Variants in SPATA17 observed in about 807,000 individuals in gnomAD.
SPATA17 encodes the protein spermatogenesis-associated protein 17.
A neutral mutation model predicts 62.2 loss-of-function variants in SPATA17; 53 were observed. The ratio of observed to expected loss-of-function variants is 0.85; its 90% CI spans 0.68 to 1.07. The LOEUF (loss-of-function observed/expected upper bound fraction) is 1.07, where lower values mean the gene tolerates loss of function less well. Among genes scored for constraint, SPATA17 ranks in the 50% least tolerant of loss-of-function variants. SPATA17 has a pLI of 0.00. For missense variants in SPATA17, 466 were observed against 425.5 expected (o/e 1.10, Z -0.84); for synonymous variants, 146 against 146.8 (o/e 0.99, Z 0.04).
chr1:217,824,701 A>C (rs1169228903), intron 9 of SPATA17, among the ~76,000 whole-genome samples: 1 of 150,920 alleles, frequency 6.6e-6, no homozygotes, highest in South Asian at 2.1e-4. Context: ...TATATTTTAT[A>C]ATGTGTTCTT....
rs1450738590 is a variant in SPATA17 at position 217,690,471 on chromosome 1, T to A, written c.395+7110T>A. ...TTTTATTTTTATTTTATTTTATTTT[T>A]TATTTTTTTTTTTTTTAATTATTTT... On this transcript the variant is annotated intron_variant, in intron 5 of 10. Transcript: ENST00000366933. 1.3e-4 allele frequency among the ~76,000 whole-genome samples: 4 copies of A among 29,762 alleles called. No homozygotes were observed. In the East Asian group the frequency reaches 1.5e-3, roughly 11 times the overall value. 19.5% of individuals were successfully genotyped at this position (29,762 alleles called of 152,430 possible). A position where few individuals can be genotyped will look rare whatever the true frequency, so the allele number is the denominator to read the frequency against.
chr1:217,740,004 A>G (rs933110921), intron 5 of SPATA17, among the ~76,000 whole-genome samples: 1 of 151,928 alleles, frequency 6.6e-6, no homozygotes, highest in Non-Finnish European at 1.5e-5. Flanking sequence ...TCACTGTGCC[A>G]TGCCACTGTA....
intron 9 of SPATA17, among the ~76,000 whole-genome samples, chr1:217,843,432 G>A (rs1163494444): frequency 6.6e-6 from 1 of 151,844 alleles, no homozygotes; most frequent in Non-Finnish European, 1.5e-5. Context: ...CTGGACAAGA[G>A]AGCAAGAACC....
intron 8 of SPATA17, among the ~76,000 whole-genome samples, chr1:217,788,820 T>G (rs1365333465): frequency 6.6e-6 from 1 of 152,178 alleles, no homozygotes; most frequent in Non-Finnish European, 1.5e-5. Context: ...ATAATATTGT[T>G]TAAGCCACCA....
intron 9 of SPATA17, among the ~76,000 whole-genome samples, chr1:217,835,313 A>G (rs17676761): frequency 0.032 from 4,834 of 152,250 alleles, 112 homozygotes; most frequent in Middle Eastern, 0.065. Context: ...TAGTGAATCC[A>G]TGTATCATTT....
rs922314685 is a variant in SPATA17, at chr1:217,744,386, C to T, written c.519+2288C>T. The stretch of plus-strand genomic sequence containing the variant: ...GCTGAGGCAGGAGAATGGCGTGAAC[C>T]CGGGAGGCGGAGCTTGCAGTGAGCC... On this transcript the variant is annotated intron_variant, in intron 6 of 10. Coordinates refer to ENST00000366933, the MANE Select transcript of SPATA17 (RefSeq NM_138796.4). 8.3e-4 allele frequency among the ~76,000 whole-genome samples: 40 copies of T among 48,236 alleles called. 3 individuals carry two copies. Among genetic ancestry groups the T allele is most frequent in the African/African-American group, 1.9e-3 (40 of 20,570 alleles). The allele number at this position is 48,236 out of a possible 152,430, so 31.6% of individuals were successfully genotyped here. A position where few individuals can be genotyped will look rare whatever the true frequency, so the allele number is the denominator to read the frequency against.
At chr1:217,633,819 G>A (rs772763545) in intron 1 of SPATA17, among the ~76,000 whole-genome samples, 19 of 152,164 alleles carry the variant, frequency 1.2e-4, no homozygotes, top group Non-Finnish European at 2.5e-4. Context: ...TCAGAATAAC[G>A]CTGAAGCTGA....
chr1:217,717,610 A>G (rs1347979432), intron 5 of SPATA17, among the ~76,000 whole-genome samples: 1 of 152,146 alleles, frequency 6.6e-6, no homozygotes, highest in East Asian at 1.9e-4. Flanking sequence ...CTCTATCTCA[A>G]AATAATAATA....
At chr1:217,748,132 T>C (rs1672808735) in intron 6 of SPATA17, among the ~76,000 whole-genome samples, 1 of 151,638 alleles carries the variant, frequency 6.6e-6, no homozygotes, top group Non-Finnish European at 1.5e-5. Flanking sequence ...TGAAACCCCG[T>C]CTCTACAAAA....
intron 2 of SPATA17, among the ~76,000 whole-genome samples, chr1:217,650,424 C>T (rs1173750291): frequency 1.3e-5 from 2 of 151,840 alleles, no homozygotes; most frequent in African/African-American, 4.8e-5. Context: ...CTCTTTCTCT[C>T]TCTTTTTTTT....
chr1:217,854,546 A>T (rs1352907614), intron 9 of SPATA17, among the ~76,000 whole-genome samples: 1 of 152,164 alleles, frequency 6.6e-6, no homozygotes, highest in Non-Finnish European at 1.5e-5. Context: ...ACAACAAACA[A>T]GACTGATACA....
chr1:217,864,523 AC>A (rs1192475549), intron 10 of SPATA17, among the ~76,000 whole-genome samples: 64 of 152,232 alleles, frequency 4.2e-4, no homozygotes, highest in African/African-American at 1.5e-3. Context: ...ATGTGTGTAT[AC>A]ATATATACAT....
chr1:217,820,930 C>T (rs1379421873), intron 9 of SPATA17, among the ~76,000 whole-genome samples: 2 of 152,022 alleles, frequency 1.3e-5, no homozygotes, highest in Non-Finnish European at 2.9e-5. Context: ...CTCAGCTTCT[C>T]GTGAGGGATT....
At chr1:217,661,250 A>G (rs1235258665) in intron 3 of SPATA17, among the ~76,000 whole-genome samples, 1 of 143,454 alleles carries the variant, frequency 7.0e-6, no homozygotes, top group African/African-American at 2.7e-5. Flanking sequence ...ATTAAAAATA[A>G]GAATAAACAG....
chr1:217,768,378 G>A (rs1404794839), intron 6 of SPATA17, among the ~76,000 whole-genome samples: 1 of 152,032 alleles, frequency 6.6e-6, no homozygotes, highest in Non-Finnish European at 1.5e-5. Flanking sequence ...TGCTTAAACT[G>A]GCCAACTTCA....
intron 2 of SPATA17, among the ~76,000 whole-genome samples, chr1:217,649,668 C>G (rs941056905): frequency 2.7e-5 from 4 of 150,762 alleles, no homozygotes; most frequent in Non-Finnish European, 4.4e-5. Context: ...TAAAATGACG[C>G]ATGGATGATG....
At chr1:217,685,005 C>T (rs980010790) in intron 5 of SPATA17, among the ~76,000 whole-genome samples, 4 of 151,986 alleles carry the variant, frequency 2.6e-5, no homozygotes, top group African/African-American at 7.2e-5. Context: ...TTCAGAAACA[C>T]GTGAATCATA....
chr1:217,667,278 A>T (rs1434271454), intron 3 of SPATA17, among the ~76,000 whole-genome samples: 1 of 151,704 alleles, frequency 6.6e-6, no homozygotes, highest in Non-Finnish European at 1.5e-5. Flanking sequence ...CGAACTCCTG[A>T]CCTCGTGAGT....
intron 9 of SPATA17, among the ~76,000 whole-genome samples, chr1:217,862,314 T>A (rs1289604599): frequency 6.6e-6 from 1 of 152,176 alleles, no homozygotes. Flanking sequence ...CCTTCTGGAG[T>A]CCTTTACCAT....
Sources: allele counts gnomAD v4.1 joint callset (sites outside exome capture counted in the v4.1 genomes callset), GRCh38; gene constraint gnomAD v4.1.1; transcripts MANE v1.5; gene names NCBI Gene and HGNC (gene_info 2026-07-23, HGNC 2026-07-21).